The following TBC1D31 variants were observed in gnomAD, a reference collection of about 807,000 sequenced individuals.
TBC1D31 encodes WD repeat domain 67.
A neutral mutation model predicts 132.9 loss-of-function variants in TBC1D31; 99 were observed. The observed-to-expected ratio is 0.74, with a 90% CI of 0.63 to 0.88. TBC1D31 has a LOEUF of 0.88. Among genes scored for constraint, TBC1D31 ranks in the 40% least tolerant of loss-of-function variants. TBC1D31 has a pLI of 0.00. For missense variants in TBC1D31, 1,134 were observed against 1,256.6 expected (o/e 0.90, Z 1.48); for synonymous variants, 385 against 419.4 (o/e 0.92, Z 1.00).
chr8:123,134,091 TAC>T (rs751756020), intron 16 of TBC1D31, 21 bp from the exon 17 acceptor site: 1 of 1,561,964 alleles, frequency 6.4e-7, no homozygotes, highest in Admixed American at 1.7e-5. Context: ...TTTTGGTATT[TAC>T]AGTTTGTTGT....
chr8:123,098,166 A>G (rs1451394285), intron 6 of TBC1D31, among the ~76,000 whole-genome samples: 1 of 152,240 alleles, frequency 6.6e-6, no homozygotes, highest in Non-Finnish European at 1.5e-5. Context: ...AACATAAAAC[A>G]GCATACAGTA....
intron 10 of TBC1D31, among the ~76,000 whole-genome samples, chr8:123,118,886 G>A (rs936725431): frequency 2.0e-5 from 3 of 152,136 alleles, no homozygotes; most frequent in Non-Finnish European, 2.9e-5. Flanking sequence ...ACCACACCTG[G>A]CTAATTTTTA....
chr8:123,100,402 C>T (rs1232109526), intron 6 of TBC1D31, among the ~76,000 whole-genome samples: 5 of 151,980 alleles, frequency 3.3e-5, no homozygotes, highest in Non-Finnish European at 7.4e-5. Context: ...ATGGTGAAAC[C>T]CCATCCCTAT....
chr8:123,073,039 G>C (rs1043059800), intron 1 of TBC1D31, among the ~76,000 whole-genome samples, 193 bp downstream of exon 1: 3 of 152,164 alleles, frequency 2.0e-5, no homozygotes, highest in Non-Finnish European at 4.4e-5. Context: ...TTCTGGGAGC[G>C]GGGGTCTGGT....
intron 6 of TBC1D31, chr8:123,097,844 G>A (rs1816974935): frequency 6.5e-6 from 1 of 153,744 alleles, no homozygotes; most frequent in Non-Finnish European, 1.4e-5. Context: ...GATTGGACTA[G>A]AACTAAAATG....
At chr8:123,160,533 G>A in the TBC1D31 span, among the ~76,000 whole-genome samples, 4 of 152,086 alleles carry the variant, frequency 2.6e-5, no homozygotes, top group African/African-American at 9.7e-5. Context: ...GGAGGGGCTG[G>A]GCTGATCCTG....
At chr8:123,140,665 T>C in intron 17 of TBC1D31, 96 bp from the exon 18 acceptor site, 21 of 1,003,402 alleles carry the variant, frequency 2.1e-5, no homozygotes, top group Non-Finnish European at 3.0e-5. Context: ...TGATTACAGC[T>C]TTTATTTGTG....
intron 7 of TBC1D31, among the ~76,000 whole-genome samples, chr8:123,101,392 GTTTGTTTTTGTTTTGTT>G (rs1270745216): frequency 6.6e-6 from 1 of 151,962 alleles, no homozygotes; most frequent in Non-Finnish European, 1.5e-5. Flanking sequence ...CATATAACTT[GTTTGTTTTTGTTTTGTT>G]TTTGTTTTTG....
At chr8:123,153,267 T>G (rs1822901938), downstream of TBC1D31, among the ~76,000 whole-genome samples, 1 of 152,206 alleles carries the variant, frequency 6.6e-6, no homozygotes, top group Non-Finnish European at 1.5e-5. Flanking sequence ...TAAAATTCTG[T>G]GGTTCTGCCA....
chr8:123,113,750 T>C (rs1818663272), intron 10 of TBC1D31, among the ~76,000 whole-genome samples: 1 of 152,326 alleles, frequency 6.6e-6, no homozygotes, highest in East Asian at 1.9e-4. Context: ...AAAGCAATTT[T>C]TTTTGTTGGT....
chr8:123,121,201 G>A (rs976372161), intron 11 of TBC1D31, among the ~76,000 whole-genome samples: 4 of 151,944 alleles, frequency 2.6e-5, no homozygotes, highest in Non-Finnish European at 4.4e-5. Context: ...CAAGTGATCC[G>A]CCCACCTCGG....
chr8:123,138,916 C>T (rs1170589481), intron 17 of TBC1D31, among the ~76,000 whole-genome samples: 1 of 152,062 alleles, frequency 6.6e-6, no homozygotes, highest in African/African-American at 2.4e-5. Context: ...CTCCTGCAAT[C>T]TTCCTGCCTC....
At chr8:123,089,569 A>T (rs1313830603) in intron 4 of TBC1D31, among the ~76,000 whole-genome samples, 2 of 152,154 alleles carry the variant, frequency 1.3e-5, no homozygotes, top group Non-Finnish European at 2.9e-5. Flanking sequence ...ATAGCCTGGT[A>T]TGCTGGTGTG....
chr8:123,086,100 T>G (rs1188793894), intron 4 of TBC1D31, among the ~76,000 whole-genome samples: 1 of 152,164 alleles, frequency 6.6e-6, no homozygotes, highest in Non-Finnish European at 1.5e-5. Flanking sequence ...CCATTGTTAT[T>G]TTGTCCTTTA....
Position 123,097,410 on chromosome 8 carries a change from T to G in TBC1D31, c.800T>G (p.Leu267Arg). Residue 267 changes from leucine (L) to arginine (R), a missense_variant, in exon 6 of 22, where the codon CTT becomes CGT. Transcript: ENST00000287380. ...CGAGCCATTCGCCATCTGGAATTTCTTCCTGATAGTTTTGATGCTGGTTCT... is the reference window on the plus strand; with the variant it reads ...CGAGCCATTCGCCATCTGGAATTTCGTCCTGATAGTTTTGATGCTGGTTCT... Reference protein sequence around the residue: ...KVRAIRHLEFLPDSFDAGSNQ... With the variant: ...KVRAIRHLEFRPDSFDAGSNQ... The G allele has an allele frequency of 6.2e-7, 1 of 1,614,216 alleles. No homozygotes were observed. The highest frequency in any genetic ancestry group is 8.5e-7 in the Non-Finnish European group (1 of 1,180,034).
intron 8 of TBC1D31, 150 bp from the exon 9 acceptor site, chr8:123,109,167 G>A: frequency 1.7e-6 from 1 of 600,132 alleles, no homozygotes; most frequent in Non-Finnish European, 3.0e-6. Flanking sequence ...GAGGGAGAGA[G>A]GGGAGTGGGG....
chr8:123,092,384 A>G (rs549236819), intron 4 of TBC1D31, among the ~76,000 whole-genome samples: 1 of 152,268 alleles, frequency 6.6e-6, no homozygotes, highest in East Asian at 1.9e-4. Context: ...GACACATATC[A>G]TATAACATCT....
intron 4 of TBC1D31, among the ~76,000 whole-genome samples, chr8:123,092,202 A>T (rs1816393343): frequency 6.6e-6 from 1 of 152,000 alleles, no homozygotes; most frequent in South Asian, 2.1e-4. Context: ...TTTAGTAGAG[A>T]CGGGGTTTCA....
At chr8:123,145,274 T>C (rs1330292507) in intron 20 of TBC1D31, among the ~76,000 whole-genome samples, 1 of 152,152 alleles carries the variant, frequency 6.6e-6, no homozygotes, top group African/African-American at 2.4e-5. Flanking sequence ...AATCTACTGC[T>C]CAAGTAAAAG....
Sources: gnomAD v4.1 joint callset for allele counts (sites outside exome capture counted in the v4.1 genomes callset) on GRCh38, gnomAD v4.1.1 for gene constraint, MANE v1.5 for transcripts, NCBI Gene and HGNC (gene_info 2026-07-23, HGNC 2026-07-21) for gene names.